Variants in MAGEB17 observed in about 807,000 individuals in gnomAD.
The protein encoded by MAGEB17 is melanoma-associated antigen B17.
For missense variants in MAGEB17, 251 were observed against 281.4 expected, an observed-to-expected ratio of 0.89 and a Z score of 0.77; for synonymous variants, 110 against 112.4, an observed-to-expected ratio of 0.98 and a Z score of 0.13.
intron 1 of MAGEB17, 93 bp downstream of exon 1, chrX:16,167,876 C>G (rs889963408): frequency 3.6e-5 from 4 of 111,991 alleles, no homozygotes; most frequent in Admixed American, 1.9e-4. Context: ...GTACCCACCT[C>G]CCTCAGCCGC....
At position 16,170,345 on chromosome X, in the gene MAGEB17, C is replaced by T. The variant is rs1436269956; in HGVS notation, c.-38C>T. 1 of 1,133,294 alleles carries T rather than the reference C, an allele frequency of 8.8e-7. No homozygotes were observed. Among genetic ancestry groups the T allele is most frequent in the Admixed American group, 2.9e-5 (1 of 35,073 alleles). 93.4% of individuals were successfully genotyped at this position (1,133,294 alleles called of 1,213,427 possible). A position where few individuals can be genotyped will look rare whatever the true frequency, so the allele number is the denominator to read the frequency against. On this transcript the variant is annotated 5_prime_UTR_variant, in exon 2 of 2. Transcript: ENST00000400004. ...TCCTCCTGCTCCAGGTGCCCACCTC[C>T]TGCACCCTCTTGCCTGCTGCCCCTA...
intron 1 of MAGEB17, chrX:16,168,822 G>C (rs1208031532): frequency 1.8e-5 from 2 of 111,957 alleles, no homozygotes; most frequent in South Asian, 3.8e-4. Flanking sequence ...AGGGCTGCAC[G>C]GAGCGTTTCA....
Position 16,170,425 on chromosome X carries a change from C to T in MAGEB17, c.43C>T (p.Arg15Cys), listed in dbSNP as rs763866721. Residue 15 changes from arginine (R) to cysteine (C), a missense_variant, in exon 2 of 2, where the codon CGC becomes TGC. By Grantham distance (180) the Arg-to-Cys change is radical. Coordinates refer to ENST00000400004, the MANE Select transcript of MAGEB17 (RefSeq NM_001277307.2). The part of the protein sequence containing the change: ...QASKRRAREK[R>C]RQARGEDQCL... ...GAGTAAGCGCCGTGCCCGTGAGAAA[C>T]GCCGCCAGGCTCGAGGTGAAGACCA... 7 of 1,164,905 alleles carry T rather than the reference C, an allele frequency of 6.0e-6. No individual in the cohort carries two copies. Among genetic ancestry groups the T allele is most frequent in the Non-Finnish European group, 8.0e-6 (7 of 872,381 alleles).
chrX:16,168,100 G>A (rs1464410395), intron 1 of MAGEB17, among the ~76,000 whole-genome samples: 1 of 112,364 alleles, frequency 8.9e-6, no homozygotes, highest in East Asian at 2.8e-4. Context: ...AGTGCTTTGG[G>A]AGGCTGAGGC....
intron 1 of MAGEB17, among the ~76,000 whole-genome samples, 167 bp from the exon 2 acceptor site, chrX:16,170,167 G>A (rs1313181523): frequency 5.3e-5 from 6 of 112,367 alleles, no homozygotes; most frequent in Non-Finnish European, 1.1e-4. Flanking sequence ...TGCAGGGCAA[G>A]GAGCACTGTA....
rs1013628743 is a variant in MAGEB17 at position 16,170,306 on chromosome X, C to T, written c.-49-28C>T. 1.1e-5 allele frequency: 12 copies of T among 1,109,460 alleles called. No individual in the cohort carries two copies. In the African/African-American group the frequency reaches 2.2e-4, roughly 21 times the overall value. 91.4% of individuals were successfully genotyped at this position (1,109,460 alleles called of 1,213,427 possible). On this transcript the variant is annotated intron_variant, in intron 1 of 1. Coordinates refer to ENST00000400004, the MANE Select transcript of MAGEB17 (RefSeq NM_001277307.2). ...AAGGTGATATCTCCCCACTGAGGGG[C>T]TCACACACTCTGTTCCTCCTGCTCC... is the stretch of plus-strand genomic sequence containing the variant.
rs1923063305 is a variant in MAGEB17, at chrX:16,171,316, G to A, written c.934G>A (p.Glu312Lys). ...CCGGTATGAGGAGGCTCTGAGAGAGGAGGAAGAGCAAGCCAGAGCCAGAGC... is the reference window on the plus strand; with the variant it reads ...CCGGTATGAGGAGGCTCTGAGAGAGAAGGAAGAGCAAGCCAGAGCCAGAGC... ...KSRYEEALRE[E>K]EEQARARAVA... The change falls in exon 2 of 2, where the codon GAG becomes AAG. Residue 312 changes from glutamate to lysine, a missense_variant. Glu to Lys is a moderately conservative substitution (Grantham distance 56). Coordinates refer to ENST00000400004, the MANE Select transcript of MAGEB17 (RefSeq NM_001277307.2). 1 of 1,186,529 alleles carries A rather than the reference G, an allele frequency of 8.4e-7. No homozygotes were observed. Among genetic ancestry groups the A allele is most frequent in the Non-Finnish European group, 1.1e-6 (1 of 883,870 alleles).
Position 16,171,461 on chromosome X carries a change from G to C in MAGEB17, c.*68G>C. The C allele has an allele frequency of 9.5e-7, 1 of 1,050,235 alleles. No individual in the cohort carries two copies. Among genetic ancestry groups the C allele is most frequent in the Non-Finnish European group, 1.2e-6 (1 of 815,347 alleles). The allele number at this position is 1,050,235 out of a possible 1,213,427, so 86.6% of individuals were successfully genotyped here. On this transcript the variant is annotated 3_prime_UTR_variant, in exon 2 of 2. Transcript: ENST00000400004. The stretch of plus-strand genomic sequence containing the variant: ...CCACCATCTCAGTATTTGGGGGTGA[G>C]GTGGGGAGCCCAAGACGTGTCTTTC...
chrX:16,168,436 G>A (rs183611888), intron 1 of MAGEB17, among the ~76,000 whole-genome samples: 501 of 112,217 alleles, frequency 4.5e-3, no homozygotes, highest in Non-Finnish European at 7.3e-3. Context: ...GGGAGACCCC[G>A]TGCAGGCATA....
chrX:16,168,505 G>A (rs113228790), intron 1 of MAGEB17, among the ~76,000 whole-genome samples: 5,949 of 111,983 alleles, frequency 0.053, 388 homozygotes, highest in African/African-American at 0.18. Context: ...GAGAGCTTGG[G>A]CCTGGGCCTG....
At position 16,171,214 on chromosome X, in the gene MAGEB17, C is replaced by G. The variant is rs895268746; in HGVS notation, c.832C>G (p.Arg278Gly). 3.3e-6 allele frequency: 4 copies of G among 1,209,695 alleles called. No individual in the cohort carries two copies. The highest frequency in any genetic ancestry group is 3.4e-6 in the Non-Finnish European group (3 of 894,603). ...CGAGTTCCTGTGGGGTCCCAGGGCC[C>G]GTGCTGAAACCAGCAAAATGAAAGT... ...RYEFLWGPRA[R>G]AETSKMKVLE... is the part of the protein sequence containing the mutation. Residue 278 changes from arginine to glycine, a missense_variant, in exon 2 of 2, where the codon CGT (arginine) becomes GGT (glycine). By Grantham distance (125) the Arg-to-Gly change is moderately radical. Coordinates refer to ENST00000400004, the MANE Select transcript of MAGEB17 (RefSeq NM_001277307.2).
intron 1 of MAGEB17, among the ~76,000 whole-genome samples, chrX:16,168,347 GA>G (rs59557128): frequency 1.8e-3 from 163 of 90,980 alleles, no homozygotes; most frequent in Middle Eastern, 6.0e-3. Flanking sequence ...CTGTCACAAA[GA>G]AAAAAAAAAA....
In MAGEB17 at chrX:16,170,957, A is replaced by C. The variant is rs1417287611; in HGVS notation, c.575A>C (p.Asp192Ala). ...LDFPNQGSLSDGGGFPLSGLL... is the reference protein window; with the variant it reads ...LDFPNQGSLSAGGGFPLSGLL... Reference sequence around the variant, plus strand: ...TTTCCCAATCAAGGAAGCTTGAGCGATGGCGGGGGCTTTCCCCTGAGCGGG... The same window carrying C: ...TTTCCCAATCAAGGAAGCTTGAGCGCTGGCGGGGGCTTTCCCCTGAGCGGG... The change falls in exon 2 of 2, where the codon GAT (aspartate) becomes GCT (alanine). Residue 192 changes from aspartate (D) to alanine (A), a missense_variant. Transcript: ENST00000400004. 2 of 1,166,010 alleles carry C rather than the reference A, an allele frequency of 1.7e-6. No homozygotes were observed. Among genetic ancestry groups the C allele is most frequent in the African/African-American group, 3.6e-5 (2 of 55,930 alleles).
rs1368855834 is a variant in MAGEB17, at chrX:16,171,170, G to T, written c.788G>T (p.Ser263Ile). 5.0e-6 allele frequency: 6 copies of T among 1,209,233 alleles called. No individual in the cohort carries two copies. The highest frequency in any genetic ancestry group is 6.7e-6 in the Non-Finnish European group (6 of 894,832). ...TACCTGGAGTACCAGCAGGTGCCCA[G>T]CAGCGATCCTCCACGCTACGAGTTC... ...EGYLEYQQVP[S>I]SDPPRYEFLW... Residue 263 changes from serine (S) to isoleucine (I), a missense_variant, in exon 2 of 2, where the codon AGC (serine) becomes ATC (isoleucine). Ser to Ile is a moderately radical substitution (Grantham distance 142). Coordinates refer to ENST00000400004, the MANE Select transcript of MAGEB17 (RefSeq NM_001277307.2).
chrX:16,170,449 C>T lies in MAGEB17; in HGVS notation c.67C>T (p.Gln23Ter). 1 of 1,167,314 alleles carries T rather than the reference C, an allele frequency of 8.6e-7. No individual in the cohort carries two copies. The highest frequency in any genetic ancestry group is 1.1e-6 in the Non-Finnish European group (1 of 873,106). Residue 23 changes from glutamine (Q) to a stop codon, truncating the protein, a stop_gained, in exon 2 of 2, where the codon CAA (glutamine) becomes TAA (stop). Coordinates refer to ENST00000400004, the MANE Select transcript of MAGEB17 (RefSeq NM_001277307.2). LOFTEE classifies it low-confidence loss of function (END_TRUNC). ...ACGCCGCCAGGCTCGAGGTGAAGAC[C>T]AATGTCTCGGGGGTGCTCAAGCCAC... ...EKRRQARGED[Q>*]CLGGAQATAA...
At position 16,170,739 on chromosome X, in the gene MAGEB17, C is replaced by G. The variant is rs776388867; in HGVS notation, c.357C>G (p.Phe119Leu). ...CGAAGACGGGCGAATTGGTGCAGTT[C>G]CTCCTCAACAAGTATATAAGGAAAG... ...LNTKTGELVQFLLNKYIRKEP... is the reference protein window; with the variant it reads ...LNTKTGELVQLLLNKYIRKEP... The change falls in exon 2 of 2, where the codon TTC becomes TTG. Residue 119 changes from phenylalanine (F) to leucine (L), a missense_variant. Transcript: ENST00000400004. 4.3e-6 allele frequency: 5 copies of G among 1,167,263 alleles called. No individual in the cohort carries two copies. The South Asian group carries it at 7.6e-5, about 18-fold the overall frequency.
rs1217526147 is a variant in MAGEB17 at position 16,170,622 on chromosome X, T to C, written c.240T>C (p.Ser80=). 5.1e-6 allele frequency: 6 copies of C among 1,167,059 alleles called. No homozygotes were observed. The highest frequency in any genetic ancestry group is 6.9e-6 in the Non-Finnish European group (6 of 873,085). Reference sequence around the variant, plus strand: ...CTTCAGCTGTTTCACTCACAAGTTCTGATGAAGGTGCCAAGGGCCAAAAGG... The same window carrying C: ...CTTCAGCTGTTTCACTCACAAGTTCCGATGAAGGTGCCAAGGGCCAAAAGG... ...SPASAVSLTS[S]DEGAKGQKGE... Residue 80 remains serine, a synonymous_variant, in exon 2 of 2, where the codon TCT becomes TCC. Coordinates refer to ENST00000400004, the MANE Select transcript of MAGEB17 (RefSeq NM_001277307.2).
Position 16,171,425 on chromosome X carries a change from G to A in MAGEB17, c.*32G>A. 2 of 1,076,637 alleles carry A rather than the reference G, an allele frequency of 1.9e-6. No individual in the cohort carries two copies. Among genetic ancestry groups the A allele is most frequent in the Non-Finnish European group, 2.4e-6 (2 of 830,300 alleles). 88.7% of individuals were successfully genotyped at this position (1,076,637 alleles called of 1,213,427 possible). The stretch of plus-strand genomic sequence containing the variant: ...CTCAGGCAATCCTCACTAAGAGATT[G>A]AAAAGCCTGTCCACCATCTCAGTAT... On this transcript the variant is annotated 3_prime_UTR_variant, in exon 2 of 2. Transcript: ENST00000400004.
In MAGEB17 at chrX:16,171,414, A is replaced by G. The variant is rs1923066164; in HGVS notation, c.*21A>G. 1.9e-6 allele frequency: 2 copies of G among 1,078,375 alleles called. No homozygotes were observed. The highest frequency in any genetic ancestry group is 3.9e-5 in the Admixed American group (1 of 25,464). The allele number at this position is 1,078,375 out of a possible 1,213,427, so 88.9% of individuals were successfully genotyped here. ...CCTAGTGAAGTCTCAGGCAATCCTC[A>G]CTAAGAGATTGAAAAGCCTGTCCAC... is the stretch of plus-strand genomic sequence containing the variant. On this transcript the variant is annotated 3_prime_UTR_variant, in exon 2 of 2. Transcript: ENST00000400004.
Sources: gnomAD v4.1 joint callset for allele counts (sites outside exome capture counted in the v4.1 genomes callset) on GRCh38, gnomAD v4.1.1 for gene constraint, MANE v1.5 for transcripts, NCBI Gene and HGNC (gene_info 2026-07-23, HGNC 2026-07-21) for gene names.